The following ERLEC1 variants were observed in gnomAD, a reference collection of about 807,000 sequenced individuals.
ERLEC1 encodes ER lectin.
ERLEC1 carries 47 observed loss-of-function variants against 68.0 expected under a neutral mutation model. That is an observed-to-expected ratio of 0.69 (90% CI 0.55 to 0.88). The LOEUF (loss-of-function observed/expected upper bound fraction) is 0.88, where lower values mean the gene tolerates loss of function less well. ERLEC1 is among the 40% of genes least tolerant of loss of function. ERLEC1 has a pLI of 0.00. For synonymous variants in ERLEC1, 225 were observed against 203.2 expected (o/e 1.11, Z -0.91); for missense variants, 567 against 583.8 (o/e 0.97, Z 0.30).
Position 53,796,031 on chromosome 2 carries a change from A to T in ERLEC1, c.348+18A>T, listed in dbSNP as rs771164727. 2.7e-6 allele frequency: 4 copies of T among 1,494,328 alleles called. No homozygotes were observed. Among genetic ancestry groups the T allele is most frequent in the Non-Finnish European group, 3.7e-6 (4 of 1,094,432 alleles). The allele number at this position is 1,494,328 out of a possible 1,614,324, so 92.6% of individuals were successfully genotyped here. ...CCTACAGAGTATGTATTTTATGTTT[A>T]CTTGATGACTAGAAAATAGATTACC... is the stretch of plus-strand genomic sequence containing the variant. On this transcript the variant is annotated intron_variant, in intron 3 of 13. Coordinates refer to ENST00000185150, the MANE Select transcript of ERLEC1 (RefSeq NM_015701.5).
At chr2:53,814,983 TA>T (rs1676787730) in intron 13 of ERLEC1, 48 bp downstream of exon 13, 2 of 1,188,854 alleles carry the variant, frequency 1.7e-6, no homozygotes, top group Non-Finnish European at 2.4e-6. Flanking sequence ...AGCCATGTTT[TA>T]ATTTTTTTTT....
chr2:53,810,079 A>C lies in ERLEC1; in HGVS notation c.1101+806A>C, dbSNP rs531915229. Reference sequence around the variant, plus strand: ...AAAGCGAGACTCCTCAAAAAACCAAACAAACAAAAAAAGAACGAAAATAAA... The same window carrying C: ...AAAGCGAGACTCCTCAAAAAACCAACCAAACAAAAAAAGAACGAAAATAAA... On this transcript the variant is annotated intron_variant, in intron 10 of 13. Coordinates refer to ENST00000185150, the MANE Select transcript of ERLEC1 (RefSeq NM_015701.5). 1.1e-4 allele frequency among the ~76,000 whole-genome samples: 16 copies of C among 152,256 alleles called. 1 individual carries two copies. The highest frequency in any genetic ancestry group is 2.0e-4 in the Admixed American group (3 of 15,298).
In ERLEC1 at chr2:53,808,282, T is replaced by C. The variant is rs1676405000; in HGVS notation, c.880-17T>C. 16 of 1,609,964 alleles carry C rather than the reference T, an allele frequency of 9.9e-6. No individual in the cohort carries two copies. The highest frequency in any genetic ancestry group is 1.4e-5 in the Non-Finnish European group (16 of 1,178,862). Reference sequence around the variant, plus strand: ...AGTTTGGCATGGAAACCCTTAAACGTGTGTGTTTAATTTTAGGAAGATTTG... The same window carrying C: ...AGTTTGGCATGGAAACCCTTAAACGCGTGTGTTTAATTTTAGGAAGATTTG... On this transcript the variant is annotated splice_polypyrimidine_tract_variant and intron_variant, in intron 8 of 13. Coordinates refer to ENST00000185150, the MANE Select transcript of ERLEC1 (RefSeq NM_015701.5).
At chr2:53,788,027 A>G (rs1057248929) in intron 1 of ERLEC1, among the ~76,000 whole-genome samples, 3 of 152,186 alleles carry the variant, frequency 2.0e-5, no homozygotes, top group Non-Finnish European at 4.4e-5. Context: ...AGTGAAGAAC[A>G]TTTGTAACCT....
At chr2:53,796,845 A>G (rs574067065) in intron 3 of ERLEC1, among the ~76,000 whole-genome samples, 1 of 151,046 alleles carries the variant, frequency 6.6e-6, no homozygotes, top group East Asian at 1.9e-4. Context: ...TCACTTACCA[A>G]GCTGTTTTGA....
At chr2:53,793,273 T>C (rs1675508939) in intron 1 of ERLEC1, among the ~76,000 whole-genome samples, 1 of 152,238 alleles carries the variant, frequency 6.6e-6, no homozygotes, top group Non-Finnish European at 1.5e-5. Flanking sequence ...AGTGTTTATT[T>C]GAATTCTGTT....
rs554890396 is a variant in ERLEC1, at chr2:53,812,956, A to T, written c.1109A>T (p.Asp370Val). 3 of 1,609,786 alleles carry T rather than the reference A, an allele frequency of 1.9e-6. No individual in the cohort carries two copies. Among genetic ancestry groups the T allele is most frequent in the East Asian group, 2.2e-5 (1 of 44,856 alleles). ...KHVHQYHEDK[D>V]SGKTSVVVGT... ...ATTTTTTTCCCATATTAGGACAAGG[A>T]TAGTGGGAAAACCTCTGTGGTTGTC... The change falls in exon 11 of 14, where the codon GAT becomes GTT. Residue 370 changes from aspartate (D) to valine (V), a missense_variant. Transcript: ENST00000185150.
chr2:53,816,503 A>C (rs1482820552), intron 13 of ERLEC1, among the ~76,000 whole-genome samples: 3 of 151,942 alleles, frequency 2.0e-5, no homozygotes, highest in Non-Finnish European at 4.4e-5. Context: ...TCCTGACCTC[A>C]AGTAATCTGC....
In ERLEC1 at chr2:53,787,073, G is replaced by T. The variant is rs994466684; in HGVS notation, c.-138G>T. 3 of 1,221,180 alleles carry T rather than the reference G, an allele frequency of 2.5e-6. No homozygotes were observed. Among genetic ancestry groups the T allele is most frequent in the Non-Finnish European group, 3.3e-6 (3 of 917,276 alleles). 75.6% of individuals were successfully genotyped at this position (1,221,180 alleles called of 1,614,324 possible). ...GCGGCGTTGCCGGGCTCTCCGGAAG[G>T]AGACGTGGCGGCGGTTGGGCCGGTG... On this transcript the variant is annotated 5_prime_UTR_variant, in exon 1 of 14. Transcript: ENST00000185150.
intron 1 of ERLEC1, among the ~76,000 whole-genome samples, chr2:53,789,197 A>G (rs1438657700): frequency 1.3e-5 from 2 of 151,908 alleles, no homozygotes; most frequent in Non-Finnish European, 2.9e-5. Flanking sequence ...AATTCAAGAC[A>G]AGCCTGACCA....
In ERLEC1 at chr2:53,787,102, C is replaced by G. The variant is rs565771704; in HGVS notation, c.-109C>G. On this transcript the variant is annotated 5_prime_UTR_variant, in exon 1 of 14. Transcript: ENST00000185150. Reference sequence around the variant, plus strand: ...CGTGGCGGCGGTTGGGCCGGTGATACCCGGGCGCTTTATAGTCCCGCCGCC... The same window carrying G: ...CGTGGCGGCGGTTGGGCCGGTGATAGCCGGGCGCTTTATAGTCCCGCCGCC... 3.6e-5 allele frequency: 49 copies of G among 1,366,786 alleles called. No individual in the cohort carries two copies. In the African/African-American group the frequency reaches 6.9e-4, roughly 19 times the overall value. The allele number at this position is 1,366,786 out of a possible 1,614,324, so 84.7% of individuals were successfully genotyped here. A position where few individuals can be genotyped will look rare whatever the true frequency, so the allele number is the denominator to read the frequency against.
intron 13 of ERLEC1, among the ~76,000 whole-genome samples, chr2:53,817,138 A>AT (rs5831282): frequency 1.5e-3 from 216 of 141,416 alleles, no homozygotes; most frequent in Non-Finnish European, 2.0e-3. Context: ...TTATTTACTT[A>AT]TTTTTTTTTT....
chr2:53,814,995 C>CTTTTTTTTTTTTTTTTTTT lies in ERLEC1; in HGVS notation c.1380+63_1380+81dup, dbSNP rs777632156. ...TTGAGCCATGTTTTAATTTTTTTTT[C>CTTTTTTTTTTTTTTTTTTT]TTTTTTTTTTTTTTTTTTTTTGTTT... On this transcript the variant is annotated intron_variant, in intron 13 of 13. Transcript: ENST00000185150. 1.0e-3 allele frequency: 487 copies of CTTTTTTTTTTTTTTTTTTT among 470,058 alleles called. 1 individual carries two copies. Among genetic ancestry groups the CTTTTTTTTTTTTTTTTTTT allele is most frequent in the East Asian group, 2.4e-3 (42 of 17,590 alleles). 29.1% of individuals were successfully genotyped at this position (470,058 alleles called of 1,614,324 possible).
intron 8 of ERLEC1, among the ~76,000 whole-genome samples, chr2:53,806,750 A>G (rs1676315329): frequency 6.6e-6 from 1 of 152,242 alleles, no homozygotes; most frequent in African/African-American, 2.4e-5. Context: ...AAGGGGACAT[A>G]GTATCCACCA....
intron 3 of ERLEC1, among the ~76,000 whole-genome samples, chr2:53,796,536 T>C (rs1200196142): frequency 6.6e-6 from 1 of 152,080 alleles, no homozygotes; most frequent in Non-Finnish European, 1.5e-5. Context: ...CACGATTCAC[T>C]GCAGCCCCAA....
chr2:53,806,907 C>T (rs1676325340), intron 8 of ERLEC1, among the ~76,000 whole-genome samples: 1 of 152,092 alleles, frequency 6.6e-6, no homozygotes, highest in Non-Finnish European at 1.5e-5. Context: ...ATTTTTTAAC[C>T]TCTTTAATAA....
chr2:53,798,925 A>G lies in ERLEC1; in HGVS notation c.491-122A>G, dbSNP rs1012474075. On this transcript the variant is annotated intron_variant, in intron 5 of 13. Coordinates refer to ENST00000185150, the MANE Select transcript of ERLEC1 (RefSeq NM_015701.5). Reference sequence around the variant, plus strand: ...CTAGCTTTAAAGTAGTAAGATAAAAATCATATGTGTTTTGGACCTTCTTTA... The same window carrying G: ...CTAGCTTTAAAGTAGTAAGATAAAAGTCATATGTGTTTTGGACCTTCTTTA... 4 of 655,176 alleles carry G rather than the reference A, an allele frequency of 6.1e-6. No homozygotes were observed. In the South Asian group the frequency reaches 1.1e-4, roughly 17 times the overall value. 40.6% of individuals were successfully genotyped at this position (655,176 alleles called of 1,614,324 possible). A position where few individuals can be genotyped will look rare whatever the true frequency, so the allele number is the denominator to read the frequency against.
rs958244464 is a variant in ERLEC1, at chr2:53,796,889, C to CTTTT, written c.349-609_349-606dup. On this transcript the variant is annotated intron_variant, in intron 3 of 13. Coordinates refer to ENST00000185150, the MANE Select transcript of ERLEC1 (RefSeq NM_015701.5). ...CAGTTCAAAATAAAGTTTTCTTTTT[C>CTTTT]TTTTTTTTTTTTTTTTTTTTGAGAC... Among the ~76,000 whole-genome samples, 19 of 117,234 alleles carry CTTTT rather than the reference C, an allele frequency of 1.6e-4. 1 individual carries two copies. Among genetic ancestry groups the CTTTT allele is most frequent in the Non-Finnish European group, 2.3e-4 (13 of 56,696 alleles). 76.9% of individuals were successfully genotyped at this position (117,234 alleles called of 152,430 possible).
rs777266612 is a variant in ERLEC1, at chr2:53,801,765, C to T, written c.802C>T (p.Pro268Ser). 4 of 1,613,986 alleles carry T rather than the reference C, an allele frequency of 2.5e-6. No individual in the cohort carries two copies. In the South Asian group the frequency reaches 4.4e-5, roughly 18 times the overall value. Residue 268 changes from proline to serine, a missense_variant, in exon 8 of 14, where the codon CCA becomes TCA. Transcript: ENST00000185150. ...ATTTTGTCAATCACTGCCAGGATCT[C>T]CATTTAAGCCCCTCACCCTGAGGCA... The part of the protein sequence containing the change: ...DIFCQSLPGS[P>S]FKPLTLRQLE...
Sources: gnomAD v4.1 joint callset for allele counts (sites outside exome capture counted in the v4.1 genomes callset) on GRCh38, gnomAD v4.1.1 for gene constraint, MANE v1.5 for transcripts, NCBI Gene and HGNC (gene_info 2026-07-23, HGNC 2026-07-21) for gene names.